The following EPHB1 variants were observed in gnomAD, a reference collection of about 807,000 sequenced individuals.
EPHB1 encodes the protein EPH receptor B1, also known as ephrin type-B receptor 1.
In EPHB1, 30 loss-of-function variants were observed where a neutral mutation model predicts 94.4. That is an observed-to-expected ratio of 0.32 (90% CI 0.24 to 0.43). The LOEUF (loss-of-function observed/expected upper bound fraction) is 0.43, where lower values mean the gene tolerates loss of function less well. EPHB1 is among the 20% of genes least tolerant of loss of function. The pLI, the probability that EPHB1 is intolerant of heterozygous loss-of-function variation, is 1.00. For missense variants in EPHB1, 1,055 were observed against 1,308.3 expected (o/e 0.81, Z 2.99); for synonymous variants, 522 against 489.1 (o/e 1.07, Z -0.89).
At chr3:134,885,317 A>G (rs112142511) in intron 1 of EPHB1, among the ~76,000 whole-genome samples, 7 of 152,378 alleles carry the variant, frequency 4.6e-5, no homozygotes, top group African/African-American at 1.7e-4. Flanking sequence ...AACTGTTGAC[A>G]TTAAACAACG....
At chr3:135,167,860 T>C (rs916374427) in intron 9 of EPHB1, among the ~76,000 whole-genome samples, 5 of 152,172 alleles carry the variant, frequency 3.3e-5, no homozygotes, top group African/African-American at 9.7e-5. Context: ...AACCCCCTTG[T>C]TGCAAAGTAA....
chr3:134,915,293 C>A (rs180927207), intron 1 of EPHB1, among the ~76,000 whole-genome samples: 1 of 152,250 alleles, frequency 6.6e-6, no homozygotes, highest in East Asian at 1.9e-4. Flanking sequence ...GTATGACGGA[C>A]CCCTCATCCA....
chr3:134,965,945 G>A (rs916930501), intron 3 of EPHB1, among the ~76,000 whole-genome samples: 1 of 152,158 alleles, frequency 6.6e-6, no homozygotes, highest in Admixed American at 6.5e-5. Flanking sequence ...TTCCCCAGTG[G>A]CCAGGCCTCT....
intron 1 of EPHB1, among the ~76,000 whole-genome samples, chr3:134,881,486 G>C (rs992327099): frequency 1.3e-5 from 2 of 152,100 alleles, no homozygotes; most frequent in African/African-American, 4.8e-5. Context: ...TTCTAAAGCC[G>C]CCTCACCTGG....
chr3:135,211,732 T>A (rs1434229866), intron 12 of EPHB1, among the ~76,000 whole-genome samples: 2 of 152,198 alleles, frequency 1.3e-5, no homozygotes, highest in Non-Finnish European at 2.9e-5. Flanking sequence ...CGTATACGCA[T>A]TGTGTCATAT....
At chr3:134,889,491 G>A (rs537120287) in intron 1 of EPHB1, among the ~76,000 whole-genome samples, 1 of 151,944 alleles carries the variant, frequency 6.6e-6, no homozygotes, top group African/African-American at 2.4e-5. Context: ...TATCCCTCTG[G>A]AAAAAGAAAT....
At chr3:135,097,112 A>G (rs550583367) in intron 3 of EPHB1, among the ~76,000 whole-genome samples, 51 of 149,984 alleles carry the variant, frequency 3.4e-4, no homozygotes, top group African/African-American at 6.1e-4. Flanking sequence ...AAAAAAAAAA[A>G]AAAGAAAAAA....
At chr3:135,092,603 TTCCC>T (rs538364542) in intron 3 of EPHB1, among the ~76,000 whole-genome samples, 8 of 151,332 alleles carry the variant, frequency 5.3e-5, no homozygotes, top group African/African-American at 1.2e-4. Flanking sequence ...TCCAACAACT[TTCCC>T]TCCCTCCCTC....
At chr3:134,828,701 AC>A (rs2036529746) in intron 1 of EPHB1, among the ~76,000 whole-genome samples, 2 of 152,156 alleles carry the variant, frequency 1.3e-5, no homozygotes, top group African/African-American at 4.8e-5. Flanking sequence ...TTTGAGGGAC[AC>A]TTGGGGATTG....
chr3:135,179,508 T>A (rs920205585), intron 9 of EPHB1, among the ~76,000 whole-genome samples: 2 of 152,234 alleles, frequency 1.3e-5, no homozygotes, highest in African/African-American at 4.8e-5. Context: ...CCACCACTTT[T>A]CTGCTAATGC....
chr3:134,972,484 ATACAT>A (rs1934012786), intron 3 of EPHB1, among the ~76,000 whole-genome samples: 1 of 138,988 alleles, frequency 7.2e-6, no homozygotes, highest in Non-Finnish European at 1.6e-5. Flanking sequence ...AATATATACT[ATACAT>A]TATATATTTA....
At position 134,951,924 on chromosome 3, in the gene EPHB1, T is replaced by C; in HGVS notation, c.677T>C (p.Ile226Thr). Residue 226 changes from isoleucine (I) to threonine (T), a missense_variant, in exon 3 of 16, where the codon ATC becomes ACC. Coordinates refer to ENST00000398015, the MANE Select transcript of EPHB1 (RefSeq NM_004441.5). The surrounding 1 kb of genome is among the most constrained non-coding windows in gnomAD (Gnocchi z 4.5). The stretch of plus-strand genomic sequence containing the variant: ...CTGGTGATTGCTCGGGGCACATGCA[T>C]CCCCAACGCAGAGGAAGTGGACGTG... ...TSLVIARGTC[I>T]PNAEEVDVPI... The C allele has an allele frequency of 6.2e-7, 1 of 1,613,970 alleles. No homozygotes were observed. Among genetic ancestry groups the C allele is most frequent in the Non-Finnish European group, 8.5e-7 (1 of 1,179,894 alleles).
At chr3:134,897,248 G>T (rs991896027) in intron 1 of EPHB1, among the ~76,000 whole-genome samples, 1 of 151,954 alleles carries the variant, frequency 6.6e-6, no homozygotes, top group East Asian at 1.9e-4. Flanking sequence ...CACAGCATCT[G>T]TAAGGAAGGG....
chr3:134,863,470 T>C (rs1162498312), intron 1 of EPHB1, among the ~76,000 whole-genome samples: 1 of 152,218 alleles, frequency 6.6e-6, no homozygotes, highest in East Asian at 1.9e-4. Flanking sequence ...TCATGTGCGC[T>C]TTCTTTCAAA....
Position 135,260,279 on chromosome 3 carries a change from C to T in EPHB1, c.*1159C>T, listed in dbSNP as rs1274427620. ...CTATGGACTGGCTTAAGCCGTGTGG[C>T]ATCCGAGGAATGTTTCAAATGTGTC... On this transcript the variant is annotated 3_prime_UTR_variant, in exon 16 of 16. Transcript: ENST00000398015. The T allele has an allele frequency of 4.3e-6, 1 of 232,978 alleles. No homozygotes were observed. The highest frequency in any genetic ancestry group is 8.5e-6 in the Non-Finnish European group (1 of 117,678). The allele number at this position is 232,978 out of a possible 1,614,324, so 14.4% of individuals were successfully genotyped here. A position where few individuals can be genotyped will look rare whatever the true frequency, so the allele number is the denominator to read the frequency against.
At chr3:135,249,960 G>T (rs1306882044) in intron 15 of EPHB1, among the ~76,000 whole-genome samples, 2 of 152,206 alleles carry the variant, frequency 1.3e-5, no homozygotes, top group Non-Finnish European at 2.9e-5. Flanking sequence ...ACCAGTCTGT[G>T]GCTCCCTCAG....
intron 12 of EPHB1, among the ~76,000 whole-genome samples, chr3:135,235,630 G>A (rs111989812): frequency 0.027 from 4,107 of 152,212 alleles, 92 homozygotes; most frequent in Non-Finnish European, 0.036. Context: ...CTTTCCCCAG[G>A]TGATTCCAGT....
chr3:135,006,186 C>A (rs1935403829), intron 3 of EPHB1, among the ~76,000 whole-genome samples: 1 of 152,172 alleles, frequency 6.6e-6, no homozygotes, highest in Non-Finnish European at 1.5e-5. Flanking sequence ...TTCTGTACAG[C>A]AGTGTAAGAA....
chr3:134,988,534 A>G (rs1047353554), intron 3 of EPHB1, among the ~76,000 whole-genome samples: 5 of 152,208 alleles, frequency 3.3e-5, no homozygotes, highest in Admixed American at 1.3e-4. Context: ...AAGAGCATCC[A>G]CAGTAAATGA....
Sources: allele counts gnomAD v4.1 joint callset (sites outside exome capture counted in the v4.1 genomes callset), GRCh38; gene constraint gnomAD v4.1.1; non-coding constraint Gnocchi (gnomAD v3.1); transcripts MANE v1.5; gene names NCBI Gene and HGNC (gene_info 2026-07-23, HGNC 2026-07-21).